Variants in CERS6 observed in about 807,000 individuals in gnomAD.
CERS6 encodes the protein LAG1 homolog, ceramide synthase 6.
Under a neutral mutation model 56.8 loss-of-function variants are expected in CERS6, and 26 were observed. That is an observed-to-expected ratio of 0.46 (90% CI 0.34 to 0.63). CERS6 has a LOEUF of 0.63. CERS6 is among the 30% of genes least tolerant of loss of function. The probability of loss-of-function intolerance (pLI) is 0.01; values close to 1 mark genes in which losing one functional copy is unlikely to be tolerated. For missense variants in CERS6, 415 were observed against 467.5 expected (o/e 0.89, Z 1.04); for synonymous variants, 164 against 173.3 (o/e 0.95, Z 0.42).
At chr2:168,665,275 A>ACTAG (rs1344930664) in intron 4 of CERS6, among the ~76,000 whole-genome samples, 1 of 152,168 alleles carries the variant, frequency 6.6e-6, no homozygotes, top group African/African-American at 2.4e-5. Flanking sequence ...TTCCCATGAT[A>ACTAG]CTAGCTTCTG....
intron 3 of CERS6, among the ~76,000 whole-genome samples, chr2:168,577,277 A>G (rs1683297842): frequency 6.6e-6 from 1 of 152,174 alleles, no homozygotes; most frequent in Admixed American, 6.5e-5. Flanking sequence ...GGCCAAGAGA[A>G]GAAGACATTC....
At chr2:168,526,798 G>A (rs1695079680) in intron 1 of CERS6, among the ~76,000 whole-genome samples, 1 of 152,184 alleles carries the variant, frequency 6.6e-6, no homozygotes, top group Non-Finnish European at 1.5e-5. Context: ...AATGAGAGAG[G>A]GAGAAAATAA....
chr2:168,472,742 C>CT (rs1468292497), intron 1 of CERS6, among the ~76,000 whole-genome samples: 2 of 152,036 alleles, frequency 1.3e-5, no homozygotes, highest in Non-Finnish European at 2.9e-5. Context: ...ATCTTTACAT[C>CT]TTTTTCTTTT....
chr2:168,617,748 G>A (rs1394469690), intron 3 of CERS6, among the ~76,000 whole-genome samples: 2 of 151,570 alleles, frequency 1.3e-5, no homozygotes, highest in Non-Finnish European at 2.9e-5. Context: ...TAAAAGCTTA[G>A]CAACAAAAAA....
chr2:168,607,798 A>AT (rs1446646596), intron 3 of CERS6, among the ~76,000 whole-genome samples: 22 of 152,348 alleles, frequency 1.4e-4, no homozygotes, highest in African/African-American at 4.8e-4. Flanking sequence ...ATTACAATAT[A>AT]TTTTGGAAGC....
intron 4 of CERS6, among the ~76,000 whole-genome samples, chr2:168,685,137 T>C (rs1377377268): frequency 7.2e-5 from 11 of 152,238 alleles, no homozygotes; most frequent in Admixed American, 5.2e-4. Flanking sequence ...TTGTGAAAGC[T>C]AGGTAAGAGT....
At chr2:168,735,008 T>G (rs1683668855) in intron 8 of CERS6, among the ~76,000 whole-genome samples, 3 of 152,190 alleles carry the variant, frequency 2.0e-5, no homozygotes, top group African/African-American at 7.2e-5. Flanking sequence ...GAAATAAATA[T>G]TAGGCCACAG....
Position 168,547,689 on chromosome 2 carries a change from T to G in CERS6, c.264T>G (p.Thr88=). The G allele has an allele frequency of 1.2e-6, 2 of 1,605,980 alleles. No homozygotes were observed. The highest frequency in any genetic ancestry group is 1.7e-6 in the Non-Finnish European group (2 of 1,172,534). Residue 88 remains threonine (T), a synonymous_variant, in exon 2 of 10, where the codon ACT becomes ACG. Transcript: ENST00000305747. ...PPNAILEKVF[T]AITKHPDEKR... is the part of the protein sequence containing the mutation. ...ATGCCATTCTGGAAAAGGTCTTCAC[T>G]GCAATTACAAAGGTATGATTGTCCT... is the stretch of plus-strand genomic sequence containing the variant.
rs75857039 is a variant in CERS6 at position 168,680,219 on chromosome 2, G to A, written c.466-10815G>A. On this transcript the variant is annotated intron_variant, in intron 4 of 9. Coordinates refer to ENST00000305747, the MANE Select transcript of CERS6 (RefSeq NM_203463.3). ...ACACAAAGAAGTTGGCCTGGGGAGAGCAGGGGATGCTGGCTGGGAAGAGTG... is the reference window on the plus strand; with the variant it reads ...ACACAAAGAAGTTGGCCTGGGGAGAACAGGGGATGCTGGCTGGGAAGAGTG... Among the ~76,000 whole-genome samples, 2,523 of 152,292 alleles carry A rather than the reference G, an allele frequency of 0.017. 133 individuals are homozygous for A. The East Asian group carries it at 0.2, about 12-fold the overall frequency.
At chr2:168,560,418 C>T (rs566237405) in intron 2 of CERS6, among the ~76,000 whole-genome samples, 1 of 152,278 alleles carries the variant, frequency 6.6e-6, no homozygotes, top group Non-Finnish European at 1.5e-5. Context: ...GGTAAACAAC[C>T]TTTTCTTTTT....
intron 3 of CERS6, among the ~76,000 whole-genome samples, chr2:168,616,073 C>T (rs1161019524): frequency 6.6e-6 from 1 of 152,160 alleles, no homozygotes; most frequent in Non-Finnish European, 1.5e-5. Context: ...CTTCAGCTTC[C>T]TCAAACAAAA....
chr2:168,576,881 C>T (rs755663936), intron 3 of CERS6, among the ~76,000 whole-genome samples: 1 of 152,094 alleles, frequency 6.6e-6, no homozygotes, highest in African/African-American at 2.4e-5. Context: ...TCAAGAATGA[C>T]GCTTGGGTTT....
intron 3 of CERS6, among the ~76,000 whole-genome samples, chr2:168,603,612 T>C (rs1252080913): frequency 2.0e-5 from 3 of 152,240 alleles, no homozygotes; most frequent in African/African-American, 7.2e-5. Flanking sequence ...ATTCCAATGC[T>C]CTTTTAACAT....
chr2:168,704,676 G>A (rs912073739), intron 6 of CERS6, among the ~76,000 whole-genome samples: 1 of 152,088 alleles, frequency 6.6e-6, no homozygotes, highest in Non-Finnish European at 1.5e-5. Context: ...GCGTGATCTT[G>A]GTTCACTGCA....
intron 4 of CERS6, among the ~76,000 whole-genome samples, chr2:168,648,247 C>G (rs4668091): frequency 0.35 from 53,163 of 151,740 alleles, 12,103 homozygotes; most frequent in African/African-American, 0.64. Context: ...TCAGTCTTGG[C>G]GGGTATATGT....
intron 8 of CERS6, among the ~76,000 whole-genome samples, chr2:168,734,559 C>T (rs888551636): frequency 6.6e-6 from 1 of 152,228 alleles, no homozygotes; most frequent in Non-Finnish European, 1.5e-5. Context: ...CACGCACACA[C>T]ACACATGCAC....
intron 1 of CERS6, among the ~76,000 whole-genome samples, chr2:168,540,719 TGAGAA>T (rs1259259675): frequency 6.6e-6 from 1 of 152,244 alleles, no homozygotes; most frequent in African/African-American, 2.4e-5. Flanking sequence ...TAATTTCTGA[TGAGAA>T]GAGCATTGTA....
chr2:168,676,984 C>G (rs1401323189), intron 4 of CERS6, among the ~76,000 whole-genome samples: 17 of 133,582 alleles, frequency 1.3e-4, no homozygotes, highest in African/African-American at 4.5e-4. Flanking sequence ...CGCACCATTG[C>G]TTTGTTTTTT....
intron 3 of CERS6, among the ~76,000 whole-genome samples, chr2:168,583,834 G>C (rs1208018988): frequency 6.6e-6 from 1 of 152,196 alleles, no homozygotes; most frequent in African/African-American, 2.4e-5. Context: ...TGCTGACTCT[G>C]TGCTGGCTGC....
Sources: gnomAD v4.1 joint callset for allele counts (sites outside exome capture counted in the v4.1 genomes callset) on GRCh38, gnomAD v4.1.1 for gene constraint, MANE v1.5 for transcripts, NCBI Gene and HGNC (gene_info 2026-07-23, HGNC 2026-07-21) for gene names.